QTMAN: variants seen among roughly 807,000 people sequenced by gnomAD.
QTMAN encodes queuosine-tRNA mannosyltransferase, also known as tRNA-queuosine alpha-mannosyltransferase.
chr2:143,974,329 T>C, the QTMAN span, among the ~76,000 whole-genome samples: 1 of 152,190 alleles, frequency 6.6e-6, no homozygotes, highest in Non-Finnish European at 1.5e-5. Context: ...TACCCAAGTA[T>C]TGCAATTTAG....
the QTMAN span, among the ~76,000 whole-genome samples, chr2:144,329,047 T>C: frequency 1.3e-5 from 2 of 151,974 alleles, no homozygotes; most frequent in Admixed American, 1.3e-4. Context: ...CGAGACCAGC[T>C]TGGCCAACAT....
the QTMAN span, among the ~76,000 whole-genome samples, chr2:144,186,044 T>C: frequency 2.6e-5 from 4 of 152,290 alleles, no homozygotes; most frequent in African/African-American, 7.2e-5. Context: ...TTCAGATCAG[T>C]TGAGACATGG....
chr2:144,068,778 G>A, the QTMAN span, among the ~76,000 whole-genome samples: 2 of 152,124 alleles, frequency 1.3e-5, no homozygotes, highest in Non-Finnish European at 2.9e-5. Context: ...ACATTCAGAT[G>A]CAACAAAGTC....
the QTMAN span, among the ~76,000 whole-genome samples, chr2:144,051,648 T>C: frequency 6.6e-6 from 1 of 152,108 alleles, no homozygotes; most frequent in South Asian, 2.1e-4. Flanking sequence ...AGATTAAAAA[T>C]ACACATAAAA....
At chr2:144,048,806 GCA>G in the QTMAN span, among the ~76,000 whole-genome samples, 3 of 145,378 alleles carry the variant, frequency 2.1e-5, no homozygotes, top group South Asian at 6.4e-4. Context: ...GCTTGTGTGC[GCA>G]CACACATGCA....
At chr2:144,056,862 C>A in the QTMAN span, among the ~76,000 whole-genome samples, 1 of 152,198 alleles carries the variant, frequency 6.6e-6, no homozygotes, top group South Asian at 2.1e-4. Flanking sequence ...GCTGAAGAAT[C>A]CAAGAACTTT....
At chr2:144,264,662 G>C in the QTMAN span, among the ~76,000 whole-genome samples, 3 of 152,184 alleles carry the variant, frequency 2.0e-5, no homozygotes, top group Admixed American at 1.3e-4. Flanking sequence ...AATCCAAGAA[G>C]TCACCTAGGC....
the QTMAN span, among the ~76,000 whole-genome samples, chr2:144,308,360 G>A: frequency 6.6e-6 from 1 of 151,808 alleles, no homozygotes; most frequent in African/African-American, 2.4e-5. Context: ...TACAGACGGG[G>A]TTTCACTATG....
At chr2:144,108,508 G>A in the QTMAN span, among the ~76,000 whole-genome samples, 2 of 151,992 alleles carry the variant, frequency 1.3e-5, 1 homozygote, top group African/African-American at 4.8e-5. Context: ...AGTGGTGGCA[G>A]GTGCCTGTAG....
the QTMAN span, among the ~76,000 whole-genome samples, chr2:143,997,441 T>C: frequency 6.6e-6 from 1 of 152,166 alleles, no homozygotes; most frequent in African/African-American, 2.4e-5. Flanking sequence ...AATAACTATG[T>C]AACTGCTTAA....
At chr2:144,317,417 G>GGAAA in the QTMAN span, 1 of 151,740 alleles carries the variant, frequency 6.6e-6, no homozygotes, top group South Asian at 2.1e-4. Flanking sequence ...AAGGAAGGAA[G>GGAAA]GAAGGAAGGA....
the QTMAN span, among the ~76,000 whole-genome samples, chr2:144,191,000 T>C: frequency 6.6e-6 from 1 of 152,198 alleles, no homozygotes; most frequent in African/African-American, 2.4e-5. Flanking sequence ...TAACACTGCA[T>C]AGAAAGTTCG....
At chr2:144,011,556 T>C in the QTMAN span, 1 of 927,740 alleles carries the variant, frequency 1.1e-6, no homozygotes, top group African/African-American at 1.8e-5. Flanking sequence ...ACCACACTAA[T>C]TAACCCATCC....
the QTMAN span, among the ~76,000 whole-genome samples, chr2:144,078,377 G>C: frequency 6.6e-6 from 1 of 152,218 alleles, no homozygotes; most frequent in Non-Finnish European, 1.5e-5. Context: ...AGAAACATAA[G>C]AAACATTCCT....
chr2:144,145,248 C>G, the QTMAN span, among the ~76,000 whole-genome samples: 2 of 151,694 alleles, frequency 1.3e-5, no homozygotes, highest in African/African-American at 4.8e-5. Flanking sequence ...AGTTGACTAA[C>G]TGCACTTTCT....
the QTMAN span, among the ~76,000 whole-genome samples, chr2:144,017,132 G>A: frequency 5.9e-5 from 9 of 152,020 alleles, no homozygotes; most frequent in South Asian, 6.2e-4. Context: ...AGCCTCCTGA[G>A]TAGCTGGGAT....
the QTMAN span, among the ~76,000 whole-genome samples, chr2:144,072,768 G>C: frequency 6.6e-6 from 1 of 152,196 alleles, no homozygotes; most frequent in South Asian, 2.1e-4. Context: ...TAGGGTCTTT[G>C]TCTGGCTTAA....
the QTMAN span, among the ~76,000 whole-genome samples, chr2:144,028,953 A>C: frequency 6.6e-6 from 1 of 152,194 alleles, no homozygotes; most frequent in African/African-American, 2.4e-5. Context: ...TGTCTGTGTA[A>C]AAATTCATCA....
chr2:144,022,410 C>A, the QTMAN span, among the ~76,000 whole-genome samples: 1 of 152,024 alleles, frequency 6.6e-6, no homozygotes, highest in Non-Finnish European at 1.5e-5. Context: ...TCACCTCAGT[C>A]TCCCAAGTAG....
Sources: gnomAD v4.1 joint callset for allele counts (sites outside exome capture counted in the v4.1 genomes callset) on GRCh38, gnomAD v4.1.1 for gene constraint, MANE v1.5 for transcripts, NCBI Gene and HGNC (gene_info 2026-07-23, HGNC 2026-07-21) for gene names.